Variants in ROBO1 observed in about 807,000 individuals in gnomAD.
The protein encoded by ROBO1 is roundabout guidance receptor 1, also known as roundabout homolog 1.
ROBO1 carries 149 observed loss-of-function variants against 195.9 expected under a neutral mutation model. The ratio of observed to expected loss-of-function variants is 0.76; its 90% CI spans 0.67 to 0.87. ROBO1 has a LOEUF of 0.87. ROBO1 is among the 40% of genes least tolerant of loss of function. ROBO1 has a pLI of 0.00. For synonymous variants in ROBO1, 816 were observed against 733.2 expected (o/e 1.11, Z -1.82); for missense variants, 1,933 against 2,068.3 (o/e 0.93, Z 1.27).
intron 8 of ROBO1, among the ~76,000 whole-genome samples, chr3:78,711,413 TTC>T (rs2081728704): frequency 2.2e-5 from 2 of 92,226 alleles, no homozygotes; most frequent in African/African-American, 5.0e-5. Flanking sequence ...CTTTCTTTCT[TTC>T]TTTCTTTCTT....
intron 1 of ROBO1, among the ~76,000 whole-genome samples, chr3:79,659,376 C>G (rs1028935785): frequency 6.6e-6 from 1 of 151,876 alleles, no homozygotes; most frequent in Non-Finnish European, 1.5e-5. Context: ...TAAATCGATT[C>G]TTAGGATTTA....
chr3:79,416,266 A>G (rs976326530), intron 2 of ROBO1, among the ~76,000 whole-genome samples: 1 of 151,968 alleles, frequency 6.6e-6, no homozygotes, highest in Non-Finnish European at 1.5e-5. Context: ...GAGATGATAA[A>G]TGGCTTCGAG....
intron 1 of ROBO1, among the ~76,000 whole-genome samples, chr3:79,705,233 C>A (rs894201746): frequency 4.0e-5 from 6 of 151,762 alleles, no homozygotes; most frequent in African/African-American, 9.7e-5. Context: ...ATAAATTGTG[C>A]CTTTGATGTT....
chr3:78,922,438 T>C (rs753340106), intron 4 of ROBO1, among the ~76,000 whole-genome samples: 3 of 152,014 alleles, frequency 2.0e-5, no homozygotes, highest in East Asian at 1.9e-4. Context: ...CAAATTCTCA[T>C]AGAAAAGCAT....
At chr3:79,317,206 T>C (rs2033774192) in intron 2 of ROBO1, among the ~76,000 whole-genome samples, 1 of 152,156 alleles carries the variant, frequency 6.6e-6, no homozygotes, top group African/African-American at 2.4e-5. Flanking sequence ...TGGTTAAGAA[T>C]GCCACCAATC....
intron 1 of ROBO1, among the ~76,000 whole-genome samples, chr3:79,731,030 TATTTCAAAGTTGAGCC>T (rs1027532992): frequency 3.5e-4 from 53 of 152,206 alleles, no homozygotes; most frequent in African/African-American, 1.1e-3. Flanking sequence ...GTGTTTCCTA[TATTTCAAAGTTGAGCC>T]ATTTCCTTTT....
rs925695287 is a variant in ROBO1 at position 79,674,000 on chromosome 3, C to A, written c.-50-84039G>T. Among the ~76,000 whole-genome samples the A allele has an allele frequency of 9.5e-4, 145 of 152,068 alleles. 1 individual carries two copies. Among genetic ancestry groups the A allele is most frequent in the African/African-American group, 3.4e-3 (140 of 41,550 alleles). On this transcript the variant is annotated intron_variant, in intron 1 of 30. Transcript: ENST00000464233. ...TCACAAAGAATTAGTATTTATAAAT[C>A]AAAGATTCCAGAAAGTTATTTCAGT... is the stretch of plus-strand genomic sequence containing the variant.
chr3:79,367,944 T>C (rs757941802), intron 2 of ROBO1, among the ~76,000 whole-genome samples: 24 of 152,140 alleles, frequency 1.6e-4, no homozygotes, highest in Non-Finnish European at 3.4e-4. Context: ...GTAGGTTTTT[T>C]TGTTTGTTTT....
chr3:78,790,663 C>T (rs982127538), intron 4 of ROBO1, among the ~76,000 whole-genome samples: 4 of 152,128 alleles, frequency 2.6e-5, no homozygotes, highest in African/African-American at 9.7e-5. Flanking sequence ...TGCCAACACT[C>T]CCTACTAAGA....
intron 4 of ROBO1, among the ~76,000 whole-genome samples, chr3:78,825,224 C>T (rs2031475841): frequency 2.0e-5 from 3 of 152,022 alleles, no homozygotes; most frequent in South Asian, 2.1e-4. Flanking sequence ...AAAGTTACCC[C>T]GATAGTAAGG....
chr3:78,840,428 C>G (rs1466360666), intron 4 of ROBO1, among the ~76,000 whole-genome samples: 1 of 152,082 alleles, frequency 6.6e-6, no homozygotes, highest in Non-Finnish European at 1.5e-5. Flanking sequence ...ACTGAGCCCT[C>G]AATAAAGTGC....
At chr3:79,237,923 G>T (rs1317097594) in intron 2 of ROBO1, among the ~76,000 whole-genome samples, 1 of 152,130 alleles carries the variant, frequency 6.6e-6, no homozygotes, top group Non-Finnish European at 1.5e-5. Flanking sequence ...CACACATTTT[G>T]TAAAACAGAG....
intron 19 of ROBO1, among the ~76,000 whole-genome samples, chr3:78,650,795 T>C (rs1706598300): frequency 6.6e-6 from 1 of 152,130 alleles, no homozygotes; most frequent in Admixed American, 6.6e-5. Flanking sequence ...TTTAAGTCAG[T>C]ACAATTTTGA....
intron 4 of ROBO1, among the ~76,000 whole-genome samples, chr3:78,846,705 T>G (rs1365005116): frequency 1.3e-5 from 2 of 152,298 alleles, no homozygotes. Context: ...GTCTACACTA[T>G]GTCCAAGTGT....
chr3:78,867,603 A>G (rs2035262282), intron 4 of ROBO1, among the ~76,000 whole-genome samples: 1 of 152,152 alleles, frequency 6.6e-6, no homozygotes, highest in Admixed American at 6.6e-5. Flanking sequence ...TTACTCAGCT[A>G]TTTGCTTGGG....
intron 2 of ROBO1, among the ~76,000 whole-genome samples, chr3:79,128,745 G>A (rs1228094980): frequency 6.6e-6 from 1 of 152,078 alleles, no homozygotes; most frequent in Non-Finnish European, 1.5e-5. Context: ...GAATTTAGTG[G>A]CCATTGGACC....
chr3:78,905,105 G>A (rs2037823562), intron 4 of ROBO1, among the ~76,000 whole-genome samples: 1 of 151,948 alleles, frequency 6.6e-6, no homozygotes, highest in Non-Finnish European at 1.5e-5. Context: ...AGATGCTGCA[G>A]GAATAATATA....
At chr3:79,004,849 A>G (rs2077584661) in intron 3 of ROBO1, among the ~76,000 whole-genome samples, 1 of 152,208 alleles carries the variant, frequency 6.6e-6, no homozygotes, top group African/African-American at 2.4e-5. Context: ...AAAATGAATT[A>G]AACATTCTAT....
intron 5 of ROBO1, among the ~76,000 whole-genome samples, chr3:78,744,677 C>T (rs1576070726): frequency 6.6e-6 from 1 of 152,012 alleles, no homozygotes; most frequent in Non-Finnish European, 1.5e-5. Flanking sequence ...TTTTTCCAGA[C>T]ACTTGTATAG....
Sources: allele counts gnomAD v4.1 joint callset (sites outside exome capture counted in the v4.1 genomes callset), GRCh38; gene constraint gnomAD v4.1.1; transcripts MANE v1.5; gene names NCBI Gene and HGNC (gene_info 2026-07-23, HGNC 2026-07-21).